Variants in HTR4 observed in about 807,000 individuals in gnomAD.
The protein encoded by HTR4 is 5-hydroxytryptamine receptor 4.
HTR4 carries 16 observed loss-of-function variants against 36.8 expected under a neutral mutation model. That is an observed-to-expected ratio of 0.43 (90% CI 0.29 to 0.66). HTR4 has a LOEUF of 0.66. Among genes scored for constraint, HTR4 ranks in the 30% least tolerant of loss-of-function variants. HTR4 has a pLI of 0.13. For synonymous variants in HTR4, 189 were observed against 185.1 expected (o/e 1.02, Z -0.17); for missense variants, 438 against 490.9 (o/e 0.89, Z 1.02).
At chr5:148,513,055 T>C (rs2113778126) in intron 5 of HTR4, among the ~76,000 whole-genome samples, 1 of 152,134 alleles carries the variant, frequency 6.6e-6, no homozygotes, top group African/African-American at 2.4e-5. Flanking sequence ...TGGAGTGCAG[T>C]TGTGCTCACT....
chr5:148,522,240 A>G (rs548269263), intron 5 of HTR4, among the ~76,000 whole-genome samples: 3 of 152,272 alleles, frequency 2.0e-5, no homozygotes, highest in Non-Finnish European at 2.9e-5. Context: ...AAATTACCCA[A>G]TCTGGGGTTT....
chr5:148,451,401 G>A, intron 5 of HTR4: 1 of 1,488,354 alleles, frequency 6.7e-7, no homozygotes, highest in East Asian at 2.3e-5. Flanking sequence ...AAGTGGGAGT[G>A]GGGATGGGGT....
At chr5:148,627,123 C>T (rs972309633) in intron 2 of HTR4, among the ~76,000 whole-genome samples, 1 of 152,136 alleles carries the variant, frequency 6.6e-6, no homozygotes, top group Admixed American at 6.5e-5. Flanking sequence ...TATCCTGCCT[C>T]CCCTGGACTA....
intron 2 of HTR4, among the ~76,000 whole-genome samples, chr5:148,594,407 G>C (rs913664922): frequency 6.6e-6 from 1 of 151,810 alleles, no homozygotes; most frequent in Non-Finnish European, 1.5e-5. Flanking sequence ...ATTACAGTAA[G>C]TGTAATTCAT....
chr5:148,560,387 G>A (rs1201909210), intron 2 of HTR4, among the ~76,000 whole-genome samples: 2 of 152,004 alleles, frequency 1.3e-5, no homozygotes, highest in African/African-American at 4.8e-5. Flanking sequence ...AGTGCATCTT[G>A]GGTGAAGACC....
chr5:148,473,200 G>A (rs546311175), downstream of HTR4, among the ~76,000 whole-genome samples: 11 of 151,934 alleles, frequency 7.2e-5, no homozygotes, highest in African/African-American at 2.4e-4. Flanking sequence ...TCGGGAGGCT[G>A]AGGCAGGGGA....
intron 6 of HTR4, among the ~76,000 whole-genome samples, chr5:148,504,820 C>A (rs139808402): frequency 6.6e-6 from 1 of 152,194 alleles, no homozygotes; most frequent in East Asian, 1.9e-4. Flanking sequence ...ATATCACTAC[C>A]GATCCCACAG....
intron 5 of HTR4, chr5:148,465,721 G>A (rs1470869317): frequency 5.6e-6 from 7 of 1,250,364 alleles, no homozygotes; most frequent in Admixed American, 6.2e-5. Flanking sequence ...GCAGTTCTGT[G>A]CCAACAATTG....
chr5:148,533,624 T>C (rs988239929), intron 4 of HTR4, among the ~76,000 whole-genome samples: 2 of 152,200 alleles, frequency 1.3e-5, no homozygotes, highest in African/African-American at 4.8e-5. Context: ...TTCTAGACTG[T>C]CAGAATTGGA....
At chr5:148,577,095 A>C (rs1159597376) in intron 2 of HTR4, among the ~76,000 whole-genome samples, 2 of 152,126 alleles carry the variant, frequency 1.3e-5, no homozygotes, top group African/African-American at 4.8e-5. Flanking sequence ...TCCAATATCC[A>C]ACATTTAAAA....
intron 2 of HTR4, among the ~76,000 whole-genome samples, chr5:148,586,506 G>T (rs984027797): frequency 6.6e-6 from 1 of 152,082 alleles, no homozygotes; most frequent in Non-Finnish European, 1.5e-5. Context: ...GAGAGAGAGC[G>T]AAGGGGAAAC....
chr5:148,623,602 A>G (rs560863125), intron 2 of HTR4, among the ~76,000 whole-genome samples: 1 of 152,122 alleles, frequency 6.6e-6, no homozygotes. Context: ...TTGACTGCTA[A>G]GTCAAATTTA....
chr5:148,647,784 G>C (rs551215909), intron 1 of HTR4, among the ~76,000 whole-genome samples: 6 of 152,314 alleles, frequency 3.9e-5, no homozygotes, highest in Admixed American at 3.9e-4. Context: ...CGGAGGCGAA[G>C]GTTTCAGTGA....
At chr5:148,540,611 C>T (rs903544460) in intron 4 of HTR4, among the ~76,000 whole-genome samples, 3 of 151,422 alleles carry the variant, frequency 2.0e-5, no homozygotes, top group Non-Finnish European at 4.4e-5. Flanking sequence ...CTTCAATATA[C>T]AATGTGGAAG....
At chr5:148,628,655 GA>G (rs576943280) in intron 2 of HTR4, 19 of 152,172 alleles carry the variant, frequency 1.2e-4, no homozygotes, top group African/African-American at 4.6e-4. Context: ...GTAGGCTGAG[GA>G]AAAATCACTT....
chr5:148,600,998 A>AAC (rs1761972657), intron 2 of HTR4, among the ~76,000 whole-genome samples: 1 of 148,902 alleles, frequency 6.7e-6, no homozygotes, highest in African/African-American at 2.5e-5. Flanking sequence ...AAAAAAAAAA[A>AAC]AAAAACAAAT....
intron 2 of HTR4, among the ~76,000 whole-genome samples, chr5:148,563,749 A>G (rs1448618356): frequency 3.9e-5 from 6 of 152,254 alleles, no homozygotes; most frequent in African/African-American, 7.2e-5. Flanking sequence ...TTACCATTGC[A>G]TTAGGTATTG....
rs539574914 is a variant in HTR4 at position 148,571,677 on chromosome 5, C to T, written c.27-21415G>A. Among the ~76,000 whole-genome samples the T allele has an allele frequency of 3.3e-5, 5 of 151,952 alleles. No individual in the cohort carries two copies. The South Asian group carries it at 8.3e-4, about 25-fold the overall frequency. The stretch of plus-strand genomic sequence containing the variant: ...CTGTTTCGATAGACAAGACACACTT[C>T]AGGTGTCTTGTCTAAATGAATGCAC... On this transcript the variant is annotated intron_variant, in intron 2 of 6. Transcript: ENST00000377888.
downstream of HTR4, among the ~76,000 whole-genome samples, chr5:148,472,505 A>G (rs572931037): frequency 6.6e-6 from 1 of 151,954 alleles, no homozygotes; most frequent in Admixed American, 6.6e-5. Flanking sequence ...TGGTGTTGGT[A>G]TTGTTGTTTA....
Sources: allele counts gnomAD v4.1 joint callset (sites outside exome capture counted in the v4.1 genomes callset), GRCh38; gene constraint gnomAD v4.1.1; transcripts MANE v1.5; gene names NCBI Gene and HGNC (gene_info 2026-07-23, HGNC 2026-07-21).